HBS1L: variants seen among roughly 807,000 people sequenced by gnomAD.
The protein encoded by HBS1L is HBS1 like translational GTPase.
Under a neutral mutation model 88.9 loss-of-function variants are expected in HBS1L, and 55 were observed. The observed-to-expected ratio is 0.62, with a 90% CI of 0.50 to 0.77. HBS1L has a LOEUF of 0.77. Among genes scored for constraint, HBS1L ranks in the 30% least tolerant of loss-of-function variants. The pLI, the probability that HBS1L is intolerant of heterozygous loss-of-function variation, is 0.00. For missense variants in HBS1L, 741 were observed against 829.3 expected, an observed-to-expected ratio of 0.89 and a Z score of 1.31; for synonymous variants, 267 against 288.5, an observed-to-expected ratio of 0.93 and a Z score of 0.76.
chr6:135,000,649 T>G (rs988709484), intron 5 of HBS1L, among the ~76,000 whole-genome samples: 1 of 152,084 alleles, frequency 6.6e-6, no homozygotes, highest in Non-Finnish European at 1.5e-5. Context: ...ATCCTTTTTT[T>G]TTTTCTTCCA....
At chr6:135,019,326 T>G (rs191777431) in intron 4 of HBS1L, among the ~76,000 whole-genome samples, 39 of 151,958 alleles carry the variant, frequency 2.6e-4, no homozygotes, top group Middle Eastern at 6.8e-3. Context: ...AGTGCACACT[T>G]GGAGACAAGA....
At chr6:135,028,322 A>G (rs1776293777) in intron 4 of HBS1L, among the ~76,000 whole-genome samples, 1 of 151,916 alleles carries the variant, frequency 6.6e-6, no homozygotes, top group Non-Finnish European at 1.5e-5. Context: ...AGAAAACCAT[A>G]CTGAAAATGA....
Position 134,986,823 on chromosome 6 carries a change from C to A in HBS1L, c.1231-13G>T. On this transcript the variant is annotated splice_polypyrimidine_tract_variant and intron_variant, in intron 9 of 17. Coordinates refer to ENST00000367837, the MANE Select transcript of HBS1L (RefSeq NM_006620.4). Reference sequence around the variant, plus strand: ...GTTGCCAATTAACCTGATAAAGATCCAATTTATTTTTAAAACTATCCTTCA... The same window carrying A: ...GTTGCCAATTAACCTGATAAAGATCAAATTTATTTTTAAAACTATCCTTCA... 6.9e-7 allele frequency: 1 copy of A among 1,458,186 alleles called. No individual in the cohort carries two copies. Among genetic ancestry groups the A allele is most frequent in the South Asian group, 1.4e-5 (1 of 71,496 alleles). 90.3% of individuals were successfully genotyped at this position (1,458,186 alleles called of 1,614,324 possible). A position where few individuals can be genotyped will look rare whatever the true frequency, so the allele number is the denominator to read the frequency against.
intron 8 of HBS1L, among the ~76,000 whole-genome samples, chr6:134,991,682 A>G (rs1469513057): frequency 6.6e-6 from 1 of 152,212 alleles, no homozygotes; most frequent in East Asian, 1.9e-4. Context: ...ATTACATGTC[A>G]ACTTTCTAAA....
At position 134,966,335 on chromosome 6, in the gene HBS1L, G is replaced by A. The variant is rs200151547; in HGVS notation, c.2037C>T (p.Val679=). ...TCACTTTAAAATAAAATACCTCAGT[G>A]ACAACACCAGCAGCTATTGTAGAAC... ...YGGSTIAAGV[V]TEIKE Residue 679 remains valine (V), a synonymous_variant, in exon 17 of 18, where the codon GTC becomes GTT. Coordinates refer to ENST00000367837, the MANE Select transcript of HBS1L (RefSeq NM_006620.4). 6.2e-7 allele frequency: 1 copy of A among 1,608,502 alleles called. No homozygotes were observed. The highest frequency in any genetic ancestry group is 2.2e-5 in the East Asian group (1 of 44,740).
chr6:135,037,359 C>A, intron 4 of HBS1L: 1 of 1,551,476 alleles, frequency 6.4e-7, no homozygotes, highest in Non-Finnish European at 8.7e-7. Context: ...GAGAAAACTG[C>A]AAATTATCAT....
Position 135,039,735 on chromosome 6 carries a change from C to G in HBS1L, c.268G>C (p.Glu90Gln), listed in dbSNP as rs762211226. 6.2e-7 allele frequency: 1 copy of G among 1,613,756 alleles called. No homozygotes were observed. ...RLYSCLDHMR[E>Q]VLGDAVPDEI... ...TCTGGCACAGCATCTCCAAGTACCTCTCTCATGTGATCAAGGCATGAATAA... is the reference window on the plus strand; with the variant it reads ...TCTGGCACAGCATCTCCAAGTACCTGTCTCATGTGATCAAGGCATGAATAA... The change falls in exon 4 of 18, where the codon GAG becomes CAG. Residue 90 changes from glutamate (E) to glutamine (Q), a missense_variant. Around this residue, in one of 3 missense-constraint regions of HBS1L, gnomAD observed 556 missense variants for 598.4 expected, o/e 0.93. Transcript: ENST00000367837.
At chr6:135,050,506 C>G in intron 2 of HBS1L, 76 bp downstream of exon 2, 2 of 890,376 alleles carry the variant, frequency 2.2e-6, no homozygotes, top group South Asian at 3.0e-5. Context: ...TCACAGAACA[C>G]TCCAGTCCTT....
chr6:134,967,843 C>G (rs1245336259), intron 16 of HBS1L, among the ~76,000 whole-genome samples: 5 of 152,222 alleles, frequency 3.3e-5, no homozygotes, highest in African/African-American at 1.2e-4. Flanking sequence ...TATGTGAAAG[C>G]ATTCACAATA....
chr6:135,015,735 T>G (rs1775902192), intron 4 of HBS1L, among the ~76,000 whole-genome samples: 1 of 150,574 alleles, frequency 6.6e-6, no homozygotes, highest in South Asian at 2.1e-4. Flanking sequence ...GCACACGCCA[T>G]CACGCCCAGC....
At chr6:135,007,674 T>A (rs1239437171) in intron 4 of HBS1L, among the ~76,000 whole-genome samples, 1 of 152,158 alleles carries the variant, frequency 6.6e-6, no homozygotes, top group Non-Finnish European at 1.5e-5. Context: ...AGAAAGGAAC[T>A]CATAACTAAA....
chr6:135,034,893 A>G (rs1776488407), intron 4 of HBS1L, among the ~76,000 whole-genome samples: 1 of 152,226 alleles, frequency 6.6e-6, no homozygotes, highest in Non-Finnish European at 1.5e-5. Flanking sequence ...TTGGGGAATA[A>G]TTTTGAAAAT....
At chr6:134,988,802 A>G (rs13218642) in intron 8 of HBS1L, among the ~76,000 whole-genome samples, 69,726 of 152,054 alleles carry the variant, frequency 0.46, 16,463 homozygotes, top group South Asian at 0.56. Flanking sequence ...CTTCCCATCA[A>G]TTCCACCTCT....
chr6:134,994,718 T>G (rs1431528322), intron 7 of HBS1L, among the ~76,000 whole-genome samples: 1 of 152,134 alleles, frequency 6.6e-6, no homozygotes. Context: ...TGTGATGTCA[T>G]GTCAGCACTC....
rs1228188090 is a variant in HBS1L, at chr6:134,978,932, TG to T, written c.1689-146del. Reference sequence around the variant, plus strand: ...AAATATTCTCTTCTGAGCTAAAGCATGACTTTAAACCATTATTAACCTTATG... The same window carrying T: ...AAATATTCTCTTCTGAGCTAAAGCATACTTTAAACCATTATTAACCTTATG... On this transcript the variant is annotated intron_variant, in intron 14 of 17. Coordinates refer to ENST00000367837, the MANE Select transcript of HBS1L (RefSeq NM_006620.4). 9.5e-6 allele frequency: 6 copies of T among 628,484 alleles called. 1 individual carries two copies. In the South Asian group the frequency reaches 1.3e-4, roughly 13 times the overall value. The allele number at this position is 628,484 out of a possible 1,614,324, so 38.9% of individuals were successfully genotyped here.
intron 4 of HBS1L, among the ~76,000 whole-genome samples, chr6:135,011,570 T>C (rs991622476): frequency 5.3e-5 from 8 of 152,010 alleles, no homozygotes; most frequent in African/African-American, 1.9e-4. Flanking sequence ...GCATAAAATA[T>C]GTGAGGAAAA....
At chr6:135,005,792 G>A (rs549349347) in intron 4 of HBS1L, among the ~76,000 whole-genome samples, 1 of 152,288 alleles carries the variant, frequency 6.6e-6, no homozygotes, top group African/African-American at 2.4e-5. Context: ...TGCAATAGAA[G>A]GCAGCTTTGC....
At position 134,972,569 on chromosome 6, in the gene HBS1L, T is replaced by C. The variant is rs1035685908; in HGVS notation, c.1798-3231A>G. 2.0e-4 allele frequency among the ~76,000 whole-genome samples: 31 copies of C among 152,216 alleles called. 1 individual carries two copies. Among genetic ancestry groups the C allele is most frequent in the Middle Eastern group, 6.8e-3 (2 of 294 alleles). On this transcript the variant is annotated intron_variant, in intron 15 of 17. Transcript: ENST00000367837. Reference sequence around the variant, plus strand: ...TTTCTTGGATAATACACCAAAAACATAGGCAACAAAGGAAAAAATAAACTG... The same window carrying C: ...TTTCTTGGATAATACACCAAAAACACAGGCAACAAAGGAAAAAATAAACTG...
intron 4 of HBS1L, among the ~76,000 whole-genome samples, chr6:135,005,994 T>C (rs1377163605): frequency 6.6e-6 from 1 of 152,150 alleles, no homozygotes; most frequent in African/African-American, 2.4e-5. Flanking sequence ...TGTTGGATAG[T>C]ATTGAGGGCC....
Sources: allele counts gnomAD v4.1 joint callset (sites outside exome capture counted in the v4.1 genomes callset), GRCh38; gene constraint gnomAD v4.1.1; regional missense constraint gnomAD v4.1.1; transcripts MANE v1.5; gene names NCBI Gene and HGNC (gene_info 2026-07-23, HGNC 2026-07-21).